ZNF804B: variants seen among roughly 807,000 people sequenced by gnomAD.
The protein encoded by ZNF804B is zinc finger protein 804B.
In ZNF804B, 80 loss-of-function variants were observed where a neutral mutation model predicts 101.4. The observed-to-expected ratio is 0.79, with a 90% CI of 0.66 to 0.95. The LOEUF (loss-of-function observed/expected upper bound fraction) is 0.95, where lower values mean the gene tolerates loss of function less well. Among genes scored for constraint, ZNF804B ranks in the 40% least tolerant of loss-of-function variants. The pLI is 0.00. For synonymous variants in ZNF804B, 622 were observed against 558.8 expected, an observed-to-expected ratio of 1.11 and a Z score of -1.59; for missense variants, 1,673 against 1,561.9, an observed-to-expected ratio of 1.07 and a Z score of -1.20.
chr7:89,025,551 G>GT (rs1554356482), intron 1 of ZNF804B, among the ~76,000 whole-genome samples: 1 of 151,994 alleles, frequency 6.6e-6, no homozygotes, highest in African/African-American at 2.4e-5. Flanking sequence ...AGAAAAACTT[G>GT]TTTTTTAAAA....
chr7:88,842,190 T>C (rs1791300775), intron 1 of ZNF804B, among the ~76,000 whole-genome samples: 1 of 152,206 alleles, frequency 6.6e-6, no homozygotes, highest in African/African-American at 2.4e-5. Context: ...CCTAAGGTTG[T>C]CTTAATGACC....
chr7:89,224,225 C>A (rs1053422239), intron 2 of ZNF804B, among the ~76,000 whole-genome samples: 4 of 152,036 alleles, frequency 2.6e-5, no homozygotes, highest in Non-Finnish European at 4.4e-5. Flanking sequence ...AAACCCTCCA[C>A]ATGTGACGCT....
chr7:89,226,489 TA>T (rs1789090609), intron 2 of ZNF804B, among the ~76,000 whole-genome samples: 1 of 151,412 alleles, frequency 6.6e-6, no homozygotes, highest in Non-Finnish European at 1.5e-5. Flanking sequence ...TAATTTATGT[TA>T]AAAATCAAGA....
chr7:88,815,745 T>G (rs1019419395), intron 1 of ZNF804B, among the ~76,000 whole-genome samples: 11 of 152,122 alleles, frequency 7.2e-5, no homozygotes, highest in Non-Finnish European at 2.9e-5. Flanking sequence ...TTTCCTCTTT[T>G]GCATATGTGT....
intron 1 of ZNF804B, among the ~76,000 whole-genome samples, chr7:89,018,208 G>T (rs771239158): frequency 1.1e-4 from 16 of 151,988 alleles, no homozygotes; most frequent in Non-Finnish European, 1.6e-4. Context: ...CCAGTTTGTT[G>T]AGAATTTTTG....
chr7:88,923,038 G>A (rs1792747101), intron 1 of ZNF804B, among the ~76,000 whole-genome samples: 1 of 151,972 alleles, frequency 6.6e-6, no homozygotes, highest in African/African-American at 2.4e-5. Context: ...TATTTTTCCA[G>A]TCTCTCCTCA....
At chr7:89,130,374 A>G (rs1790530186) in intron 1 of ZNF804B, among the ~76,000 whole-genome samples, 1 of 151,918 alleles carries the variant, frequency 6.6e-6, no homozygotes, top group South Asian at 2.1e-4. Context: ...GACATTGACC[A>G]TAGTAAGGGA....
At chr7:88,854,939 A>C (rs1420317127) in intron 1 of ZNF804B, among the ~76,000 whole-genome samples, 1 of 151,384 alleles carries the variant, frequency 6.6e-6, no homozygotes, top group African/African-American at 2.4e-5. Flanking sequence ...TGAACTCATC[A>C]TTTTTTATGG....
chr7:89,278,878 T>A (rs1790032748), intron 2 of ZNF804B, among the ~76,000 whole-genome samples: 1 of 152,110 alleles, frequency 6.6e-6, no homozygotes, highest in Admixed American at 6.6e-5. Flanking sequence ...TATTTTCCAA[T>A]TCTGTGAAGA....
chr7:88,857,933 A>G (rs1172884551), intron 1 of ZNF804B, among the ~76,000 whole-genome samples: 1 of 136,316 alleles, frequency 7.3e-6, no homozygotes, highest in Non-Finnish European at 1.5e-5. Flanking sequence ...AAGCGATTTC[A>G]TGCGTCAGCC....
chr7:89,232,456 C>G (rs995052381), intron 2 of ZNF804B, among the ~76,000 whole-genome samples: 2 of 152,130 alleles, frequency 1.3e-5, no homozygotes, highest in Non-Finnish European at 2.9e-5. Context: ...GTTTCTTGCT[C>G]TTCCAATTCC....
At chr7:89,222,123 G>T (rs1176235671) in intron 2 of ZNF804B, among the ~76,000 whole-genome samples, 1 of 151,902 alleles carries the variant, frequency 6.6e-6, no homozygotes, top group East Asian at 1.9e-4. Context: ...GGTCCTATAT[G>T]GTAGAAAACC....
At chr7:89,260,647 C>G (rs1331341694) in intron 2 of ZNF804B, among the ~76,000 whole-genome samples, 1 of 152,122 alleles carries the variant, frequency 6.6e-6, no homozygotes, top group Non-Finnish European at 1.5e-5. Flanking sequence ...AATCCTGAAG[C>G]CACATAAAAG....
At chr7:88,965,510 G>A (rs1353470708) in intron 1 of ZNF804B, among the ~76,000 whole-genome samples, 7 of 151,448 alleles carry the variant, frequency 4.6e-5, no homozygotes, top group Non-Finnish European at 1.0e-4. Flanking sequence ...AGCCTTATGT[G>A]AGGATTGCCA....
At chr7:89,203,911 A>C (rs1229734646) in intron 1 of ZNF804B, among the ~76,000 whole-genome samples, 1 of 152,338 alleles carries the variant, frequency 6.6e-6, no homozygotes, top group Non-Finnish European at 1.5e-5. Context: ...AGCAGAGATT[A>C]ATACCAGAAC....
chr7:88,986,319 T>A (rs1424038922), intron 1 of ZNF804B, among the ~76,000 whole-genome samples: 2 of 152,096 alleles, frequency 1.3e-5, no homozygotes. Context: ...TTAACAATTA[T>A]GAAATTTATT....
At chr7:89,265,952 A>G (rs1789787572) in intron 2 of ZNF804B, among the ~76,000 whole-genome samples, 1 of 152,234 alleles carries the variant, frequency 6.6e-6, no homozygotes, top group African/African-American at 2.4e-5. Flanking sequence ...ACTCGACTTC[A>G]TGGCAGACAG....
intron 1 of ZNF804B, among the ~76,000 whole-genome samples, chr7:88,893,872 T>TTACAA (rs1305977681): frequency 6.6e-6 from 1 of 152,192 alleles, no homozygotes; most frequent in Non-Finnish European, 1.5e-5. Flanking sequence ...GGGGACATTA[T>TTACAA]TACAAGTTAA....
At chr7:88,798,704 G>C (rs998615760) in intron 1 of ZNF804B, among the ~76,000 whole-genome samples, 1 of 152,058 alleles carries the variant, frequency 6.6e-6, no homozygotes, top group African/African-American at 2.4e-5. Context: ...GTTCTGACTA[G>C]ATAGAAATAG....
Sources: allele counts gnomAD v4.1 joint callset (sites outside exome capture counted in the v4.1 genomes callset), GRCh38; gene constraint gnomAD v4.1.1; transcripts MANE v1.5; gene names NCBI Gene and HGNC (gene_info 2026-07-23, HGNC 2026-07-21).